CDC42BPG: variants seen among roughly 807,000 people sequenced by gnomAD.
The protein encoded by CDC42BPG is serine/threonine-protein kinase MRCK gamma.
A neutral mutation model predicts 192.2 loss-of-function variants in CDC42BPG; 157 were observed. The ratio of observed to expected loss-of-function variants is 0.82; its 90% CI spans 0.72 to 0.93. The LOEUF is 0.93. Among genes scored for constraint, CDC42BPG ranks in the 40% least tolerant of loss-of-function variants. The pLI is 0.00. For synonymous variants in CDC42BPG, 981 were observed against 918.5 expected (o/e 1.07, Z -1.23); for missense variants, 1,992 against 2,122.1 (o/e 0.94, Z 1.20).
Position 64,836,705 on chromosome 11 carries a change from C to CCGGGGGGGGGG in CDC42BPG, c.1384+33_1384+34insCCCCCCCCCCG, listed in dbSNP as rs1192864769. 569 of 349,448 alleles carry CCGGGGGGGGGG rather than the reference C, an allele frequency of 1.6e-3. 90 individuals carry two copies. The highest frequency in any genetic ancestry group is 2.5e-3 in the Admixed American group (28 of 11,120). 21.6% of individuals were successfully genotyped at this position (349,448 alleles called of 1,614,324 possible). On this transcript the variant is annotated intron_variant, in intron 11 of 36. Transcript: ENST00000342711. ...ACCCGAGCCCAGGTGGGACTCAGCC[C>CCGGGGGGGGGG]TGGGGGGGGGGGGGGGGTGGGCGGA...
At position 64,824,294 on chromosome 11, in the gene CDC42BPG, G is replaced by A; in HGVS notation, c.*179C>T. On this transcript the variant is annotated 3_prime_UTR_variant, in exon 37 of 37. Coordinates refer to ENST00000342711, the MANE Select transcript of CDC42BPG (RefSeq NM_017525.3). ...AGAGGGGTAAGGCAGGATGAGGGCT[G>A]GGAGTCAGGACCCCCAAGTCCTGGG... 1.5e-6 allele frequency: 1 copy of A among 685,036 alleles called. No homozygotes were observed. Among genetic ancestry groups the A allele is most frequent in the South Asian group, 1.7e-5 (1 of 60,584 alleles). The allele number at this position is 685,036 out of a possible 1,614,324, so 42.4% of individuals were successfully genotyped here.
chr11:64,829,619 G>C lies in CDC42BPG; in HGVS notation c.3819C>G (p.Arg1273=), dbSNP rs375845087. The C allele has an allele frequency of 6.2e-7, 1 of 1,611,580 alleles. No individual in the cohort carries two copies. The highest frequency in any genetic ancestry group is 2.2e-5 in the East Asian group (1 of 44,814). ...GLVPEELPPS[R]GGLGEALGAV... ...CACCCAGTGCCTCACCCAGGCCCCC[G>C]CGGGATGGTGGCAGCTCCTCAGGCA... Residue 1273 remains arginine (R), a synonymous_variant, in exon 30 of 37, where the codon CGC becomes CGG. Coordinates refer to ENST00000342711, the MANE Select transcript of CDC42BPG (RefSeq NM_017525.3).
chr11:64,836,513 C>G lies in CDC42BPG; in HGVS notation c.1402G>C (p.Ala468Pro). 1.2e-6 allele frequency: 2 copies of G among 1,613,342 alleles called. No homozygotes were observed. Among genetic ancestry groups the G allele is most frequent in the Non-Finnish European group, 1.7e-6 (2 of 1,179,948 alleles). Residue 468 changes from alanine (A) to proline (P), a missense_variant, in exon 12 of 37, where the codon GCC (alanine) becomes CCC (proline). Around this residue, in one of 2 missense-constraint regions of CDC42BPG, gnomAD observed 1,656 missense variants for 1,844.3 expected, o/e 0.90. Coordinates refer to ENST00000342711, the MANE Select transcript of CDC42BPG (RefSeq NM_017525.3). ...DRLPEMLRDKASLSQTDGPPA... is the reference protein window; with the variant it reads ...DRLPEMLRDKPSLSQTDGPPA... ...GGCCCATCCGTCTGGGACAATGAGGCCTTGTCCCTCAGCATCTCTGCCAGG... is the reference window on the plus strand; with the variant it reads ...GGCCCATCCGTCTGGGACAATGAGGGCTTGTCCCTCAGCATCTCTGCCAGG...
rs976899731 is a variant in CDC42BPG at position 64,829,407 on chromosome 11, A to T, written c.3967+64T>A. The T allele has an allele frequency of 1.9e-5, 29 of 1,566,176 alleles. No individual in the cohort carries two copies. The African/African-American group carries it at 3.8e-4, about 21-fold the overall frequency. ...TGCCAGGCTCATGAGTTGAGGCGGG[A>T]CCCTGTCTTCACCCACCCACTGAAG... On this transcript the variant is annotated intron_variant, in intron 30 of 36. Coordinates refer to ENST00000342711, the MANE Select transcript of CDC42BPG (RefSeq NM_017525.3).
chr11:64,826,850 G>A (rs567524682), intron 34 of CDC42BPG, 56 bp from the exon 35 acceptor site: 118 of 1,459,390 alleles, frequency 8.1e-5, no homozygotes, highest in Non-Finnish European at 9.9e-5. Flanking sequence ...AGGACAAGAG[G>A]CCCAAGGCAC....
chr11:64,826,906 T>TA, intron 34 of CDC42BPG, 112 bp from the exon 35 acceptor site: 1 of 1,288,474 alleles, frequency 7.8e-7, no homozygotes, highest in Non-Finnish European at 1.1e-6. Context: ...AGCCTGGTTT[T>TA]ACTTAAGTCC....
At position 64,838,114 on chromosome 11, in the gene CDC42BPG, G is replaced by T; in HGVS notation, c.1174C>A (p.Pro392Thr). The T allele has an allele frequency of 6.4e-7, 1 of 1,553,412 alleles. No homozygotes were observed. Among genetic ancestry groups the T allele is most frequent in the Non-Finnish European group, 8.7e-7 (1 of 1,148,760 alleles). ...GAGGTGTAGGTGAAGCCCACGAATG[G>T]CAGGTGATGGCCGGAGAAGGCCCCG... Reference protein sequence around the residue: ...SHGAFSGHHLPFVGFTYTSGS... With the variant: ...SHGAFSGHHLTFVGFTYTSGS... The change falls in exon 9 of 37, where the codon CCA becomes ACA. Residue 392 changes from proline to threonine, a missense_variant. Physicochemically the swap from Pro to Thr is conservative, Grantham distance 38 (BLOSUM62 -1). Coordinates refer to ENST00000342711, the MANE Select transcript of CDC42BPG (RefSeq NM_017525.3).
rs751071797 is a variant in CDC42BPG, at chr11:64,834,611, T to C, written c.2176-34A>G. The C allele has an allele frequency of 2.0e-6, 3 of 1,512,562 alleles. No homozygotes were observed. The Admixed American group carries it at 6.6e-5, about 33-fold the overall frequency. 93.7% of individuals were successfully genotyped at this position (1,512,562 alleles called of 1,614,324 possible). ...CACGGAGCACCCGTATAAGATGCTT[T>C]CTAGGCCTGGCTGCCTCAGGGACCC... On this transcript the variant is annotated intron_variant, in intron 18 of 36. Transcript: ENST00000342711.
intron 1 of CDC42BPG, among the ~76,000 whole-genome samples, chr11:64,843,401 G>A (rs543748775): frequency 6.6e-6 from 1 of 152,224 alleles, no homozygotes; most frequent in African/African-American, 2.4e-5. Context: ...CAGGGAGACA[G>A]GCACAGAGGC....
At chr11:64,833,506 T>C in intron 23 of CDC42BPG, 94 bp downstream of exon 23, 2 of 1,248,892 alleles carry the variant, frequency 1.6e-6, no homozygotes, top group Non-Finnish European at 2.2e-6. Flanking sequence ...TTGTGCCTGC[T>C]AGCCACGATG....
intron 30 of CDC42BPG, among the ~76,000 whole-genome samples, chr11:64,828,351 T>C (rs550704761): frequency 2.0e-5 from 3 of 152,278 alleles, no homozygotes; most frequent in African/African-American, 7.2e-5. Flanking sequence ...CACCCTGGGC[T>C]GGGGGCTTGA....
At chr11:64,835,730 G>A in intron 14 of CDC42BPG, 32 bp downstream of exon 14, 1 of 1,611,974 alleles carries the variant, frequency 6.2e-7, no homozygotes, top group Non-Finnish European at 8.5e-7. Context: ...TGGTGGGGAA[G>A]CACCTCTTGC....
chr11:64,835,449 C>T (rs778505206), intron 15 of CDC42BPG, 30 bp from the exon 16 acceptor site: 27 of 1,612,484 alleles, frequency 1.7e-5, no homozygotes, highest in Non-Finnish European at 1.1e-5. Flanking sequence ...GGCCGTGACT[C>T]ACCGCCCAGG....
rs1942764470 is a variant in CDC42BPG at position 64,832,830 on chromosome 11, A to G, written c.2861T>C (p.Leu954Pro). The change falls in exon 25 of 37, where the codon CTG (leucine) becomes CCG (proline). Residue 954 changes from leucine to proline, a missense_variant. Leu to Pro is a moderately conservative substitution (Grantham distance 98). This residue lies in a region of CDC42BPG where 1,656 missense variants were observed against 1,844.3 expected (regional missense o/e 0.90). Coordinates refer to ENST00000342711, the MANE Select transcript of CDC42BPG (RefSeq NM_017525.3). ...CCTCCCTCGGCCCCCACTCACCGAC[A>G]GAAAGCCCTCATAGGCAGTGCCTGT... is the stretch of plus-strand genomic sequence containing the variant. ...TGTGTAYEGF[L>P]SVPRPSGVRR... 6.3e-7 allele frequency: 1 copy of G among 1,586,652 alleles called. No individual in the cohort carries two copies. The highest frequency in any genetic ancestry group is 8.6e-7 in the Non-Finnish European group (1 of 1,166,928).
chr11:64,824,311 A>T lies in CDC42BPG; in HGVS notation c.*162T>A. On this transcript the variant is annotated 3_prime_UTR_variant, in exon 37 of 37. Transcript: ENST00000342711. ...TGAGGGCTGGGAGTCAGGACCCCCA[A>T]GTCCTGGGAACCCAGGCAAGTCTCC... is the stretch of plus-strand genomic sequence containing the variant. The T allele has an allele frequency of 1.4e-6, 1 of 710,764 alleles. No homozygotes were observed. The highest frequency in any genetic ancestry group is 2.6e-6 in the Non-Finnish European group (1 of 383,366). The allele number at this position is 710,764 out of a possible 1,614,324, so 44.0% of individuals were successfully genotyped here.
intron 27 of CDC42BPG, among the ~76,000 whole-genome samples, chr11:64,831,937 G>A (rs899355784): frequency 5.9e-5 from 9 of 152,372 alleles, no homozygotes; most frequent in East Asian, 1.9e-4. Context: ...GACCCAAACC[G>A]GGGCCGGGAA....
At position 64,833,295 on chromosome 11, in the gene CDC42BPG, C is replaced by A. The variant is rs572313444; in HGVS notation, c.2667G>T (p.Pro889=). 1.3e-6 allele frequency: 2 copies of A among 1,544,676 alleles called. No homozygotes were observed. The highest frequency in any genetic ancestry group is 4.0e-5 in the Admixed American group (2 of 50,594). Residue 889 remains proline (P), a synonymous_variant, in exon 24 of 37, where the codon CCG becomes CCT. Transcript: ENST00000342711. ...GCGAGGTGCAGCGGAGACACTTGGT[C>A]GGGGATGGGAAGCTCCGGGGGCGCA... ...HTLRPRSFPS[P]TKCLRCTSLM...
At chr11:64,836,328 C>A (rs1343421938) in intron 12 of CDC42BPG, 32 bp from the exon 13 acceptor site, 2 of 1,608,452 alleles carry the variant, frequency 1.2e-6, no homozygotes, top group South Asian at 2.2e-5. Flanking sequence ...CGGGGAAGGA[C>A]AAGGCCCAGA....
Position 64,832,614 on chromosome 11 carries a change from G to A in CDC42BPG, c.2995C>T (p.Leu999=), listed in dbSNP as rs1250258851. ...CTGCCCGGCACCTACCTCAGATCTA[G>A]GACCTGCAGGAGGGCCCCACTGGGC... ...SPPSGALLQV[L]DLRDPQFSAT... is the part of the protein sequence containing the mutation. Residue 999 remains leucine (L), a synonymous_variant, in exon 26 of 37, where the codon CTA becomes TTA. Coordinates refer to ENST00000342711, the MANE Select transcript of CDC42BPG (RefSeq NM_017525.3). 6.2e-7 allele frequency: 1 copy of A among 1,613,926 alleles called. No individual in the cohort carries two copies. Among genetic ancestry groups the A allele is most frequent in the African/African-American group, 1.3e-5 (1 of 75,034 alleles).
Sources: allele counts gnomAD v4.1 joint callset (sites outside exome capture counted in the v4.1 genomes callset), GRCh38; gene constraint gnomAD v4.1.1; regional missense constraint gnomAD v4.1.1; transcripts MANE v1.5; gene names NCBI Gene and HGNC (gene_info 2026-07-23, HGNC 2026-07-21).